The following STARD10 variants were observed in gnomAD, a reference collection of about 807,000 sequenced individuals.
STARD10 encodes StAR related lipid transfer domain containing 10, also known as START domain-containing protein 10.
In STARD10, 24 loss-of-function variants were observed where a neutral mutation model predicts 36.0. The observed-to-expected ratio is 0.67, with a 90% confidence interval of 0.48 to 0.94. The LOEUF is 0.94. Ranked by LOEUF, STARD10 falls within the 40% of genes least tolerant of loss-of-function variation. The pLI is 0.00. For synonymous variants in STARD10, 156 were observed against 161.9 expected, an observed-to-expected ratio of 0.96 and a Z score of 0.28; for missense variants, 335 against 396.6, an observed-to-expected ratio of 0.84 and a Z score of 1.32.
rs748545313 is a variant in STARD10 at position 72,757,880 on chromosome 11, T to C, written c.464A>G (p.Tyr155Cys). ...IMNYSVKHPKYPPRKDLVRAV... is the reference protein window; with the variant it reads ...IMNYSVKHPKCPPRKDLVRAV... ...TCGGACCAAGTCTTTCCGAGGTGGG[T>C]ATTTCTGGGGATGGAAGGCACAGGG... The change falls in exon 5 of 7, where the codon TAC becomes TGC. Residue 155 changes from tyrosine to cysteine, a missense_variant. Tyr to Cys is a radical substitution (Grantham distance 194). Transcript: ENST00000334805. 1.9e-6 allele frequency: 3 copies of C among 1,613,924 alleles called. No individual in the cohort carries two copies. The highest frequency in any genetic ancestry group is 1.3e-5 in the African/African-American group (1 of 74,894).
chr11:72,777,208 T>C (rs567546430), intron 2 of STARD10, among the ~76,000 whole-genome samples: 2 of 152,390 alleles, frequency 1.3e-5, no homozygotes, highest in Admixed American at 1.3e-4. Flanking sequence ...CTGCCTCTCA[T>C]GCGGCCAGCC....
Position 72,781,017 on chromosome 11 carries a change from C to G in STARD10, c.165G>C (p.Trp55Cys). ...LTYSRAGVSV[W>C]VQAVEMDRTL... ...TCCGATCCATCTCCACAGCCTGCAC[C>G]CAGACAGACACCCCAGCCCTGCTAT... The change falls in exon 2 of 7, where the codon TGG (tryptophan) becomes TGC (cysteine). Residue 55 changes from tryptophan (W) to cysteine (C), a missense_variant. Trp to Cys is a radical substitution (Grantham distance 215, BLOSUM62 -2). Coordinates refer to ENST00000334805, the MANE Select transcript of STARD10 (RefSeq NM_006645.3). This position sits in a 1 kb window ranked among gnomAD's most constrained non-coding sequence, Gnocchi z 4.7. The G allele has an allele frequency of 1.2e-6, 2 of 1,614,180 alleles. No homozygotes were observed. The highest frequency in any genetic ancestry group is 1.7e-6 in the Non-Finnish European group (2 of 1,180,032).
intron 2 of STARD10, among the ~76,000 whole-genome samples, chr11:72,772,888 C>T (rs754920703): frequency 6.6e-6 from 1 of 152,122 alleles, no homozygotes; most frequent in African/African-American, 2.4e-5. Flanking sequence ...GCCCCTGTAC[C>T]GTCCCCCAAC....
Position 72,771,482 on chromosome 11 carries a change from G to A in STARD10, c.207+9493C>T, listed in dbSNP as rs911600982. Among the ~76,000 whole-genome samples the A allele has an allele frequency of 7.2e-5, 11 of 152,162 alleles. No individual in the cohort carries two copies. In the East Asian group the frequency reaches 2.1e-3, roughly 29 times the overall value. On this transcript the variant is annotated intron_variant, in intron 2 of 6. Coordinates refer to ENST00000334805, the MANE Select transcript of STARD10 (RefSeq NM_006645.3). ...CCTGTGAAGTGAAGGGGATCTGGCA[G>A]CAGCTACCTCCAACTCATCTTCTTC...
In STARD10 at chr11:72,780,970, C is replaced by CT; in HGVS notation, c.207+4_207+5insA. ...GGAGGCTGCAGGTATAGCGGGCAAC[C>CT]CTACCTTGATCTTGTGCAGCGTCCG... On this transcript the variant is annotated splice_donor_region_variant and intron_variant, in intron 2 of 6. Transcript: ENST00000334805. 1 of 1,614,082 alleles carries CT rather than the reference C, an allele frequency of 6.2e-7. No individual in the cohort carries two copies. The highest frequency in any genetic ancestry group is 8.5e-7 in the Non-Finnish European group (1 of 1,179,950).
intron 2 of STARD10, chr11:72,780,549 G>C: frequency 2.8e-6 from 1 of 355,216 alleles, no homozygotes; most frequent in Non-Finnish European, 5.6e-6. Context: ...GCAGAAAGCG[G>C]GGAAGGAGAC....
chr11:72,788,056 G>A (rs1248516157), intron 1 of STARD10, among the ~76,000 whole-genome samples: 1 of 152,170 alleles, frequency 6.6e-6, no homozygotes. Flanking sequence ...GAGGGAAGGG[G>A]CTCCTCTGGG....
intron 2 of STARD10, among the ~76,000 whole-genome samples, chr11:72,771,264 C>T (rs905421760): frequency 8.5e-5 from 13 of 152,184 alleles, no homozygotes; most frequent in African/African-American, 2.9e-4. Context: ...CTGACAAGTC[C>T]ATGCTGGGAG....
At chr11:72,763,989 G>C (rs1858753339) in intron 2 of STARD10, among the ~76,000 whole-genome samples, 1 of 152,194 alleles carries the variant, frequency 6.6e-6, no homozygotes, top group African/African-American at 2.4e-5. Context: ...GGATCTCCCT[G>C]TGTTCTTAAC....
rs975878155 is a variant in STARD10, at chr11:72,793,673, C to G, written c.-912G>C. On this transcript the variant is annotated 5_prime_UTR_variant, in exon 1 of 7. Transcript: ENST00000334805. ...TATTACGGTTATCTTCGCTCAGGCGCCCCCACGTGTCGATCCCGAGACTCT... is the reference window on the plus strand; with the variant it reads ...TATTACGGTTATCTTCGCTCAGGCGGCCCCACGTGTCGATCCCGAGACTCT... 3 of 152,272 alleles carry G rather than the reference C, an allele frequency of 2.0e-5. No homozygotes were observed. Among genetic ancestry groups the G allele is most frequent in the Admixed American group, 6.5e-5 (1 of 15,286 alleles). The allele number at this position is 152,272 out of a possible 1,614,324, so 9.4% of individuals were successfully genotyped here. A position where few individuals can be genotyped will look rare whatever the true frequency, so the allele number is the denominator to read the frequency against.
chr11:72,790,008 C>T (rs1215790333), intron 1 of STARD10, among the ~76,000 whole-genome samples: 1 of 152,244 alleles, frequency 6.6e-6, no homozygotes, highest in Non-Finnish European at 1.5e-5. Context: ...TCTGCATCCT[C>T]TGCTGCCTCA....
chr11:72,758,034 A>G (rs1192131066), intron 4 of STARD10, 150 bp from the exon 5 acceptor site: 17 of 753,120 alleles, frequency 2.3e-5, no homozygotes, highest in Non-Finnish European at 3.7e-5. Flanking sequence ...TTCTGGGTGC[A>G]GAGAAAGGGA....
In STARD10 at chr11:72,759,450, C is replaced by T. The variant is rs954336772; in HGVS notation, c.208-69G>A. On this transcript the variant is annotated intron_variant, in intron 2 of 6. Transcript: ENST00000334805. ...GAGCCTTGGCCAGGGGACCAGAAGG[C>T]AGACAGGCAGAGGGGGAGGAAGAGA... is the stretch of plus-strand genomic sequence containing the variant. 13 of 1,576,668 alleles carry T rather than the reference C, an allele frequency of 8.2e-6. No homozygotes were observed. The Middle Eastern group carries it at 8.4e-4, about 102-fold the overall frequency.
At chr11:72,779,657 C>T (rs1858967535) in intron 2 of STARD10, among the ~76,000 whole-genome samples, 2 of 152,080 alleles carry the variant, frequency 1.3e-5, no homozygotes, top group African/African-American at 4.8e-5. Flanking sequence ...ATGCCAGCTG[C>T]CTTCCCCATC....
chr11:72,757,707 G>T, intron 5 of STARD10, 60 bp downstream of exon 5: 1 of 1,489,646 alleles, frequency 6.7e-7, no homozygotes, highest in East Asian at 2.3e-5. Flanking sequence ...AGTAGATCAG[G>T]CCCCACCCCT....
chr11:72,790,693 G>T (rs1020953730), intron 1 of STARD10, among the ~76,000 whole-genome samples: 2 of 152,248 alleles, frequency 1.3e-5, no homozygotes, highest in Admixed American at 1.3e-4. Flanking sequence ...GACTGTCCAG[G>T]GCTGTAATGT....
At position 72,758,608 on chromosome 11, in the gene STARD10, G is replaced by C; in HGVS notation, c.381C>G (p.Asn127Lys). Residue 127 changes from asparagine (N) to lysine (K), a missense_variant, in exon 4 of 7, where the codon AAC (asparagine) becomes AAG (lysine). Transcript: ENST00000334805. ...YSWRCPKPLK[N>K]RDVITLRSWL... ...AGGAGCGGAGGGTGATGACATCACG[G>C]TTCTTCAGGGGCTTGGGACACCTCC... 1 of 1,613,984 alleles carries C rather than the reference G, an allele frequency of 6.2e-7. No individual in the cohort carries two copies.
intron 2 of STARD10, among the ~76,000 whole-genome samples, chr11:72,763,916 G>T (rs1049389651): frequency 6.6e-6 from 1 of 152,122 alleles, no homozygotes; most frequent in Admixed American, 6.5e-5. Context: ...ACTGAAGCTT[G>T]GGGGATTCAG....
At chr11:72,764,554 T>C (rs1858761622) in intron 2 of STARD10, among the ~76,000 whole-genome samples, 1 of 152,194 alleles carries the variant, frequency 6.6e-6, no homozygotes, top group African/African-American at 2.4e-5. Context: ...TCCACAGGCC[T>C]CCCTAGCCTG....
Sources: allele counts gnomAD v4.1 joint callset (sites outside exome capture counted in the v4.1 genomes callset), GRCh38; gene constraint gnomAD v4.1.1; non-coding constraint Gnocchi (gnomAD v3.1); transcripts MANE v1.5; gene names NCBI Gene and HGNC (gene_info 2026-07-23, HGNC 2026-07-21).